Variants in ALS2 observed in about 807,000 individuals in gnomAD.
The protein encoded by ALS2 is alsin Rho guanine nucleotide exchange factor ALS2, also known as alsin.
ALS2 carries 117 observed loss-of-function variants against 203.4 expected under a neutral mutation model. The ratio of observed to expected loss-of-function variants is 0.58; its 90% CI spans 0.50 to 0.67. The LOEUF is 0.67. Among genes scored for constraint, ALS2 ranks in the 30% least tolerant of loss-of-function variants. The pLI, the probability that ALS2 is intolerant of heterozygous loss-of-function variation, is 0.00. For missense variants in ALS2, 1,715 were observed against 1,989.4 expected (o/e 0.86, Z 2.62); for synonymous variants, 718 against 725.9 (o/e 0.99, Z 0.17).
intron 5 of ALS2, among the ~76,000 whole-genome samples, chr2:201,755,917 C>G (rs1693358055): frequency 6.6e-6 from 1 of 152,120 alleles, no homozygotes; most frequent in Admixed American, 6.6e-5. Flanking sequence ...TTGAGGGCCA[C>G]AAGAAAGTGA....
chr2:201,728,081 A>C (rs1691303682), intron 15 of ALS2, among the ~76,000 whole-genome samples: 1 of 152,154 alleles, frequency 6.6e-6, no homozygotes, highest in African/African-American at 2.4e-5. Context: ...CTGTAGCTAA[A>C]ATAGCCTCTT....
At chr2:201,722,961 T>C in intron 23 of ALS2, 82 bp downstream of exon 23, 1 of 1,158,578 alleles carries the variant, frequency 8.6e-7, no homozygotes, top group Non-Finnish European at 1.3e-6. Context: ...TTTTATGGCA[T>C]GTAAATCAGC....
At chr2:201,727,662 A>G in intron 16 of ALS2, 43 bp downstream of exon 16, 1 of 1,411,886 alleles carries the variant, frequency 7.1e-7, no homozygotes, top group Non-Finnish European at 9.5e-7. Flanking sequence ...AACCTGGGTA[A>G]CAGACTTGGA....
At chr2:201,729,207 A>G (rs948013500) in intron 13 of ALS2, 24 bp from the exon 14 acceptor site, 3 of 412,374 alleles carry the variant, frequency 7.3e-6, no homozygotes, top group Non-Finnish European at 1.1e-5. Flanking sequence ...ATTAAAGAGG[A>G]AAAAAAAAAA....
chr2:201,734,089 T>C (rs1691733475), intron 12 of ALS2, among the ~76,000 whole-genome samples: 1 of 152,190 alleles, frequency 6.6e-6, no homozygotes, highest in African/African-American at 2.4e-5. Flanking sequence ...TTTTAATAAA[T>C]TCATTGTTAA....
chr2:201,727,970 T>C (rs1691297524), intron 15 of ALS2, among the ~76,000 whole-genome samples, 195 bp from the exon 16 acceptor site: 1 of 152,190 alleles, frequency 6.6e-6, no homozygotes, highest in African/African-American at 2.4e-5. Context: ...CCAAAGGGCC[T>C]TGCCATCTCT....
At chr2:201,763,380 G>A in intron 3 of ALS2, 2 of 207,236 alleles carry the variant, frequency 9.7e-6, no homozygotes, top group Admixed American at 5.5e-5. Flanking sequence ...GCCAGGGGCT[G>A]CACTGCCACC....
chr2:201,743,663 G>A (rs1692440880), intron 10 of ALS2, among the ~76,000 whole-genome samples: 1 of 152,126 alleles, frequency 6.6e-6, no homozygotes, highest in South Asian at 2.1e-4. Flanking sequence ...TTTTAGTAGA[G>A]ATGGGGTTTC....
At chr2:201,711,374 A>C (rs1690018296) in intron 25 of ALS2, among the ~76,000 whole-genome samples, 1 of 152,232 alleles carries the variant, frequency 6.6e-6, no homozygotes, top group Non-Finnish European at 1.5e-5. Flanking sequence ...TCTACAATGA[A>C]GATTCTACAA....
In ALS2 at chr2:201,707,929, G is replaced by C. The variant is rs1005432754; in HGVS notation, c.4343C>G (p.Thr1448Ser). 2 of 1,613,504 alleles carry C rather than the reference G, an allele frequency of 1.2e-6. No homozygotes were observed. Among genetic ancestry groups the C allele is most frequent in the African/African-American group, 2.7e-5 (2 of 74,860 alleles). ...CCCAGTGCAAAAAGACTTCCTTTCG[G>C]TTGGCAGAGGAGCAGAGAGAGGAAT... is the stretch of plus-strand genomic sequence containing the variant. ...STIPLSAPLP[T>S]ERKSFCTGKS... Residue 1448 changes from threonine to serine, a missense_variant, in exon 28 of 34, where the codon ACC becomes AGC. Physicochemically the swap from Thr to Ser is moderately conservative, Grantham distance 58 (BLOSUM62 1). Coordinates refer to ENST00000264276, the MANE Select transcript of ALS2 (RefSeq NM_020919.4).
intron 11 of ALS2, 31 bp downstream of exon 11, chr2:201,741,643 G>C: frequency 6.2e-7 from 1 of 1,606,552 alleles, no homozygotes; most frequent in Non-Finnish European, 8.5e-7. Flanking sequence ...ACCCTGCAGA[G>C]ATTGAACATG....
intron 13 of ALS2, among the ~76,000 whole-genome samples, chr2:201,732,718 CAT>C: frequency 6.6e-6 from 1 of 152,302 alleles, no homozygotes; most frequent in South Asian, 2.1e-4. Context: ...CCAGTTTTAA[CAT>C]ACATCTATAT....
At position 201,725,468 on chromosome 2, in the gene ALS2, G is replaced by A. The variant is rs756598694; in HGVS notation, c.3249-14C>T. On this transcript the variant is annotated splice_polypyrimidine_tract_variant and intron_variant, in intron 19 of 33. Transcript: ENST00000264276. ...TATTCTCCATACCTGCCATGAAAAA[G>A]AAAAAATAACAAAAGAAGATGCATT... 8.1e-6 allele frequency: 13 copies of A among 1,598,642 alleles called. No individual in the cohort carries two copies. Among genetic ancestry groups the A allele is most frequent in the Non-Finnish European group, 1.0e-5 (12 of 1,166,476 alleles).
chr2:201,703,594 A>T (rs2160235), intron 33 of ALS2, among the ~76,000 whole-genome samples: 136,140 of 152,250 alleles, frequency 0.89, 61,077 homozygotes, highest in East Asian at 0.98. Context: ...CTTTAGAGTG[A>T]TTCTTCCAAA....
rs745396344 is a variant in ALS2, at chr2:201,716,542, CA to C, written c.3837-704del. 348 of 60,988 alleles carry C rather than the reference CA, an allele frequency of 5.7e-3. 1 individual carries two copies. The highest frequency in any genetic ancestry group is 0.011 in the Admixed American group (54 of 4,862). 3.8% of individuals were successfully genotyped at this position (60,988 alleles called of 1,614,324 possible). On this transcript the variant is annotated intron_variant, in intron 24 of 33. Transcript: ENST00000264276. ...CTAGCGACAGAGTGACGCTCCATCT[CA>C]AAAAAAAAAAAAAAAAAAAAAATTA...
At chr2:201,776,795 G>A (rs146818637) in intron 1 of ALS2, among the ~76,000 whole-genome samples, 6 of 152,228 alleles carry the variant, frequency 3.9e-5, no homozygotes, top group East Asian at 3.9e-4. Context: ...TATTATTCTC[G>A]TGATACAAGT....
intron 1 of ALS2, among the ~76,000 whole-genome samples, chr2:201,772,547 T>G (rs893307977): frequency 2.0e-5 from 3 of 152,184 alleles, no homozygotes; most frequent in African/African-American, 7.2e-5. Context: ...AATATCAGTA[T>G]GAATAGGGCA....
chr2:201,737,420 C>G (rs1045229503), intron 12 of ALS2, among the ~76,000 whole-genome samples: 1 of 152,090 alleles, frequency 6.6e-6, no homozygotes, highest in African/African-American at 2.4e-5. Flanking sequence ...ATTAAGATTA[C>G]TGAATTTTGG....
chr2:201,759,536 AAAGT>A lies in ALS2; in HGVS notation c.1113+1341_1113+1344del, dbSNP rs573811241. On this transcript the variant is annotated intron_variant, in intron 4 of 33. Coordinates refer to ENST00000264276, the MANE Select transcript of ALS2 (RefSeq NM_020919.4). ...GTAACAAAAACTTCCAATGTTTAAC[AAAGT>A]AAGTAAAATGTGATAAGCATGTACA... 45 of 982,064 alleles carry A rather than the reference AAAGT, an allele frequency of 4.6e-5. No homozygotes were observed. In the East Asian group the frequency reaches 5.7e-4, roughly 12 times the overall value. 60.8% of individuals were successfully genotyped at this position (982,064 alleles called of 1,614,324 possible). A position where few individuals can be genotyped will look rare whatever the true frequency, so the allele number is the denominator to read the frequency against.
Sources: allele counts gnomAD v4.1 joint callset (sites outside exome capture counted in the v4.1 genomes callset), GRCh38; gene constraint gnomAD v4.1.1; transcripts MANE v1.5; gene names NCBI Gene and HGNC (gene_info 2026-07-23, HGNC 2026-07-21).